Variants in CEP112 observed in about 807,000 individuals in gnomAD.
The protein encoded by CEP112 is centrosomal protein of 112 kDa.
Under a neutral mutation model 153.0 loss-of-function variants are expected in CEP112, and 127 were observed. The ratio of observed to expected loss-of-function variants is 0.83; its 90% CI spans 0.72 to 0.96. CEP112 has a LOEUF of 0.96. Among genes scored for constraint, CEP112 ranks in the 40% least tolerant of loss-of-function variants. The probability of loss-of-function intolerance (pLI) is 0.00; values close to 1 mark genes in which losing one functional copy is unlikely to be tolerated. For missense variants in CEP112, 1,089 were observed against 1,101.2 expected, an observed-to-expected ratio of 0.99 and a Z score of 0.16; for synonymous variants, 358 against 374.4, an observed-to-expected ratio of 0.96 and a Z score of 0.51.
intron 12 of CEP112, among the ~76,000 whole-genome samples, chr17:66,041,432 A>T (rs545173109): frequency 7.9e-5 from 12 of 152,316 alleles, no homozygotes; most frequent in African/African-American, 2.6e-4. Flanking sequence ...ATTTGGTTTC[A>T]TTATATGTCA....
chr17:65,669,824 A>G (rs1464960385), intron 24 of CEP112, among the ~76,000 whole-genome samples: 1 of 151,594 alleles, frequency 6.6e-6, no homozygotes, highest in Admixed American at 6.6e-5. Context: ...AATGGCGTGA[A>G]CCCGGGAGGC....
chr17:65,769,505 T>C (rs1239209558), intron 21 of CEP112, among the ~76,000 whole-genome samples: 2 of 152,000 alleles, frequency 1.3e-5, no homozygotes, highest in Non-Finnish European at 2.9e-5. Context: ...CAAATCCTGA[T>C]TTAAAATTGT....
At chr17:65,891,748 C>G (rs1329318435) in intron 20 of CEP112, among the ~76,000 whole-genome samples, 2 of 152,284 alleles carry the variant, frequency 1.3e-5, no homozygotes, top group East Asian at 3.9e-4. Flanking sequence ...CTCCCTGCCC[C>G]CTTTCTCATA....
At chr17:66,169,282 C>CTTTT (rs538896272) in intron 4 of CEP112, among the ~76,000 whole-genome samples, 16 of 120,946 alleles carry the variant, frequency 1.3e-4, no homozygotes, top group East Asian at 4.9e-4. Flanking sequence ...TTAATTTCTT[C>CTTTT]TTTTTTTTTT....
chr17:65,931,348 T>C (rs996381117), intron 18 of CEP112, among the ~76,000 whole-genome samples: 4 of 152,178 alleles, frequency 2.6e-5, no homozygotes, highest in Non-Finnish European at 2.9e-5. Context: ...ACAAAAATAA[T>C]AGAAATGGTT....
chr17:65,940,635 C>T (rs948147333), intron 18 of CEP112, among the ~76,000 whole-genome samples: 7 of 152,058 alleles, frequency 4.6e-5, no homozygotes, highest in African/African-American at 1.7e-4. Flanking sequence ...ATAAGCCAAG[C>T]ACAGAAAGAC....
intron 24 of CEP112, among the ~76,000 whole-genome samples, chr17:65,684,715 T>C (rs1398902225): frequency 1.3e-5 from 2 of 152,202 alleles, no homozygotes; most frequent in African/African-American, 2.4e-5. Context: ...ATATATCCAT[T>C]TTACGCAGTG....
intron 18 of CEP112, chr17:65,941,633 G>A (rs1056728121): frequency 4.6e-5 from 7 of 152,090 alleles, no homozygotes; most frequent in African/African-American, 1.7e-4. Flanking sequence ...AATACATAAA[G>A]GAAACGTCTT....
chr17:66,155,033 A>G (rs1033478378), intron 4 of CEP112, among the ~76,000 whole-genome samples: 3 of 152,086 alleles, frequency 2.0e-5, no homozygotes, highest in Non-Finnish European at 2.9e-5. Flanking sequence ...ATAGGATGAT[A>G]CAACAAGAAG....
In CEP112 at chr17:66,069,972, A is replaced by G; in HGVS notation, c.798T>C (p.Ala266=). The G allele has an allele frequency of 6.2e-7, 1 of 1,607,116 alleles. No individual in the cohort carries two copies. Among genetic ancestry groups the G allele is most frequent in the African/African-American group, 1.3e-5 (1 of 74,836 alleles). ...ELDMKTKMME[A]KFHEEKLKLQ... ...GTTTAAGCTTTTCTTCATGAAATTT[A>G]GCTTCCATCATTTTTGTTTTCATGT... Residue 266 remains alanine (A), a synonymous_variant, in exon 9 of 27, where the codon GCT becomes GCC. Transcript: ENST00000535342.
chr17:65,864,613 C>T (rs2058421266), intron 20 of CEP112, among the ~76,000 whole-genome samples: 2 of 152,126 alleles, frequency 1.3e-5, no homozygotes, highest in Non-Finnish European at 2.9e-5. Context: ...TCTGAGAGCA[C>T]GATGTCACAG....
chr17:65,765,691 A>T (rs2318866), intron 21 of CEP112, among the ~76,000 whole-genome samples: 1 of 151,818 alleles, frequency 6.6e-6, no homozygotes, highest in Non-Finnish European at 1.5e-5. Context: ...GCTGCCACTG[A>T]TTCCCTAAAC....
chr17:66,075,681 C>A (rs1217859550), intron 8 of CEP112, among the ~76,000 whole-genome samples: 1 of 152,060 alleles, frequency 6.6e-6, no homozygotes. Context: ...GAATGGGAAT[C>A]ATTATGGTGG....
intron 21 of CEP112, among the ~76,000 whole-genome samples, chr17:65,828,166 G>A (rs1395588114): frequency 6.6e-6 from 1 of 152,186 alleles, no homozygotes; most frequent in Non-Finnish European, 1.5e-5. Flanking sequence ...ACAAAATGCT[G>A]AAAGCAATGG....
chr17:65,988,236 C>A (rs1247881601), intron 17 of CEP112, among the ~76,000 whole-genome samples: 1 of 151,950 alleles, frequency 6.6e-6, no homozygotes, highest in Non-Finnish European at 1.5e-5. Context: ...AGTGATCTAG[C>A]GAGATAAGAA....
chr17:65,874,655 C>G (rs1258914227), intron 20 of CEP112, among the ~76,000 whole-genome samples: 1 of 152,002 alleles, frequency 6.6e-6, no homozygotes, highest in East Asian at 1.9e-4. Context: ...ACAGGATGTT[C>G]AAGATTTATT....
chr17:66,138,131 A>AT (rs1409397653), intron 4 of CEP112, among the ~76,000 whole-genome samples: 1 of 152,176 alleles, frequency 6.6e-6, no homozygotes, highest in Non-Finnish European at 1.5e-5. Context: ...AGCCAAGCAG[A>AT]TGGGAGATCA....
intron 19 of CEP112, among the ~76,000 whole-genome samples, chr17:65,906,499 C>G (rs1401894464): frequency 1.3e-5 from 2 of 151,996 alleles, no homozygotes; most frequent in Non-Finnish European, 2.9e-5. Flanking sequence ...GAAAAGTATG[C>G]AAACTCTTGA....
chr17:65,934,794 A>G (rs756747757), intron 18 of CEP112, among the ~76,000 whole-genome samples: 1 of 152,232 alleles, frequency 6.6e-6, no homozygotes, highest in Non-Finnish European at 1.5e-5. Flanking sequence ...CTATCAAGAC[A>G]TACATGAGAC....
Sources: allele counts gnomAD v4.1 joint callset (sites outside exome capture counted in the v4.1 genomes callset), GRCh38; gene constraint gnomAD v4.1.1; transcripts MANE v1.5; gene names NCBI Gene and HGNC (gene_info 2026-07-23, HGNC 2026-07-21).